ATF7IP2: variants seen among roughly 807,000 people sequenced by gnomAD.
The protein encoded by ATF7IP2 is activating transcription factor 7-interacting protein 2.
ATF7IP2 carries 42 observed loss-of-function variants against 64.2 expected under a neutral mutation model. That is an observed-to-expected ratio of 0.65 (90% CI 0.51 to 0.85). The LOEUF is 0.85. ATF7IP2 is among the 40% of genes least tolerant of loss of function. The pLI, the probability that ATF7IP2 is intolerant of heterozygous loss-of-function variation, is 0.00. For synonymous variants in ATF7IP2, 308 were observed against 272.8 expected, an observed-to-expected ratio of 1.13 and a Z score of -1.27; for missense variants, 933 against 784.2, an observed-to-expected ratio of 1.19 and a Z score of -2.27.
intron 1 of ATF7IP2, among the ~76,000 whole-genome samples, chr16:10,409,486 C>A (rs1382873270): frequency 1.0e-5 from 1 of 95,990 alleles, no homozygotes; most frequent in Non-Finnish European, 2.0e-5. Flanking sequence ...AGATTTAAAT[C>A]CTTGATCCAT....
intron 9 of ATF7IP2, 26 bp from the exon 10 acceptor site, chr16:10,472,083 GT>G (rs755258610): frequency 7.4e-6 from 10 of 1,345,274 alleles, no homozygotes; most frequent in African/African-American, 5.8e-5. Flanking sequence ...TTTAGTTTTT[GT>G]TTTTAATTTC....
Position 10,440,351 on chromosome 16 carries a change from C to T in ATF7IP2, c.1096-13C>T, listed in dbSNP as rs1567465493. 2.1e-6 allele frequency: 3 copies of T among 1,395,682 alleles called. No homozygotes were observed. Among genetic ancestry groups the T allele is most frequent in the Non-Finnish European group, 2.0e-6 (2 of 1,019,352 alleles). The allele number at this position is 1,395,682 out of a possible 1,614,324, so 86.5% of individuals were successfully genotyped here. A position where few individuals can be genotyped will look rare whatever the true frequency, so the allele number is the denominator to read the frequency against. On this transcript the variant is annotated splice_polypyrimidine_tract_variant and intron_variant, in intron 7 of 13. Transcript: ENST00000562102. ...TCTGGCTTAGTATTTATTTTTTTCT[C>T]TTTTTCTTCTAGGCAAAAATAGCAA...
At chr16:10,432,371 C>G (rs1292154315) in intron 5 of ATF7IP2, among the ~76,000 whole-genome samples, 4 of 152,076 alleles carry the variant, frequency 2.6e-5, no homozygotes, top group African/African-American at 9.7e-5. Flanking sequence ...GTGTTCTTGT[C>G]TAGACTACAG....
intron 9 of ATF7IP2, among the ~76,000 whole-genome samples, chr16:10,459,937 A>G (rs2049318433): frequency 6.6e-6 from 1 of 152,194 alleles, no homozygotes; most frequent in African/African-American, 2.4e-5. Context: ...CAAGAATGCC[A>G]AAAAATCGGG....
At chr16:10,432,747 C>G (rs2048298598) in intron 5 of ATF7IP2, among the ~76,000 whole-genome samples, 1 of 152,056 alleles carries the variant, frequency 6.6e-6, no homozygotes. Context: ...TGGTGGGCAC[C>G]TATTATTATT....
At chr16:10,390,617 C>T (rs997831210) in intron 1 of ATF7IP2, among the ~76,000 whole-genome samples, 5 of 152,072 alleles carry the variant, frequency 3.3e-5, no homozygotes, top group Non-Finnish European at 7.4e-5. Flanking sequence ...GACCCTGTCT[C>T]TACAAAACAA....
chr16:10,438,101 G>T lies in ATF7IP2; in HGVS notation c.961G>T (p.Val321Phe). The part of the protein sequence containing the change: ...LERQTAFLEQ[V>F]RHLIQQEIYS... ...TTTGGTTTTTATTTTAAAATTCTAG[G>T]TCAGACATTTGATTCAGCAGGAGAT... Residue 321 changes from valine (V) to phenylalanine (F), a missense_variant and splice_region_variant, in exon 7 of 14, where the codon GTC (valine) becomes TTC (phenylalanine). Physicochemically the swap from Val to Phe is conservative, Grantham distance 50. Transcript: ENST00000562102. 6.5e-7 allele frequency: 1 copy of T among 1,539,670 alleles called. No homozygotes were observed. The highest frequency in any genetic ancestry group is 8.7e-7 in the Non-Finnish European group (1 of 1,148,842).
chr16:10,401,122 C>T (rs919489744), intron 1 of ATF7IP2, among the ~76,000 whole-genome samples: 1 of 152,084 alleles, frequency 6.6e-6, no homozygotes, highest in Non-Finnish European at 1.5e-5. Context: ...GTAGAACCAT[C>T]CTTGCATCCT....
chr16:10,438,072 G>T (rs1427193101), intron 6 of ATF7IP2, 29 bp from the exon 7 acceptor site: 5 of 1,501,304 alleles, frequency 3.3e-6, no homozygotes, highest in African/African-American at 1.4e-5. Flanking sequence ...GAAACGTAGG[G>T]TGTTTTGGTT....
Position 10,425,753 on chromosome 16 carries a change from C to T in ATF7IP2, c.-159-3115C>T, listed in dbSNP as rs535596130. 3.9e-5 allele frequency among the ~76,000 whole-genome samples: 6 copies of T among 152,110 alleles called. No individual in the cohort carries two copies. The South Asian group carries it at 1.2e-3, about 32-fold the overall frequency. On this transcript the variant is annotated intron_variant, in intron 3 of 13. Transcript: ENST00000562102. The stretch of plus-strand genomic sequence containing the variant: ...TATTAAAAATACAAAATTAGCCAGG[C>T]CTGGTGCCACACGCCTATAATCCCA...
rs73499904 is a variant in ATF7IP2, at chr16:10,474,066, T to C, written c.1549+77T>C. ...ACTCATAATGCACTGGGTCTACTTATGAAGTTTGTTTTAATATGTGAGTGT... is the reference window on the plus strand; with the variant it reads ...ACTCATAATGCACTGGGTCTACTTACGAAGTTTGTTTTAATATGTGAGTGT... On this transcript the variant is annotated intron_variant, in intron 12 of 13. Transcript: ENST00000562102. The C allele has an allele frequency of 4.0e-3, 3,890 of 984,458 alleles. 84 individuals are homozygous for C. The African/African-American group carries it at 0.056, about 14-fold the overall frequency. 61.0% of individuals were successfully genotyped at this position (984,458 alleles called of 1,614,324 possible).
At chr16:10,454,247 A>G (rs926627143) in intron 8 of ATF7IP2, 2 of 151,588 alleles carry the variant, frequency 1.3e-5, no homozygotes, top group Non-Finnish European at 2.9e-5. Context: ...CGTCTCAACT[A>G]AAAATACAAA....
At chr16:10,465,474 C>T (rs2049533624) in intron 9 of ATF7IP2, among the ~76,000 whole-genome samples, 1 of 151,872 alleles carries the variant, frequency 6.6e-6, no homozygotes, top group African/African-American at 2.4e-5. Context: ...GGGCCGGGCA[C>T]AGTGACTCAC....
chr16:10,453,073 C>A (rs551566100), intron 8 of ATF7IP2, among the ~76,000 whole-genome samples: 2 of 152,294 alleles, frequency 1.3e-5, no homozygotes, highest in Admixed American at 1.3e-4. Context: ...GGCTTCAGCC[C>A]CCTTTGCAGG....
chr16:10,405,338 C>T (rs2141787516), intron 1 of ATF7IP2, among the ~76,000 whole-genome samples: 1 of 152,114 alleles, frequency 6.6e-6, no homozygotes, highest in East Asian at 1.9e-4. Flanking sequence ...CCACATTGTA[C>T]TCCAGCCTGA....
At chr16:10,469,990 G>A (rs2049731391) in intron 9 of ATF7IP2, among the ~76,000 whole-genome samples, 1 of 151,766 alleles carries the variant, frequency 6.6e-6, no homozygotes, top group African/African-American at 2.4e-5. Context: ...AAAAAAGGGA[G>A]AGAATACATC....
intron 9 of ATF7IP2, among the ~76,000 whole-genome samples, chr16:10,463,479 G>A (rs907788917): frequency 6.6e-6 from 1 of 152,112 alleles, no homozygotes; most frequent in Middle Eastern, 3.2e-3. Flanking sequence ...ACTTGCTCTG[G>A]AGCAAGTTAA....
intron 1 of ATF7IP2, among the ~76,000 whole-genome samples, chr16:10,394,817 C>G (rs969261992): frequency 5.3e-5 from 8 of 151,930 alleles, no homozygotes; most frequent in African/African-American, 1.7e-4. Context: ...AAAATGAAGA[C>G]AAACATATCA....
intron 1 of ATF7IP2, among the ~76,000 whole-genome samples, chr16:10,395,491 A>G (rs150775804): frequency 1.2e-4 from 18 of 152,298 alleles, no homozygotes; most frequent in African/African-American, 3.4e-4. Flanking sequence ...ACTATAGGAA[A>G]AGAAAACTGC....
Sources: allele counts gnomAD v4.1 joint callset (sites outside exome capture counted in the v4.1 genomes callset), GRCh38; gene constraint gnomAD v4.1.1; transcripts MANE v1.5; gene names NCBI Gene and HGNC (gene_info 2026-07-23, HGNC 2026-07-21).